The following CBX5 variants were observed in gnomAD, a reference collection of about 807,000 sequenced individuals.
CBX5 encodes the protein chromobox protein homolog 5.
CBX5 carries 7 observed loss-of-function variants against 20.7 expected under a neutral mutation model. The ratio of observed to expected loss-of-function variants is 0.34; its 90% CI spans 0.19 to 0.63. The LOEUF (loss-of-function observed/expected upper bound fraction) is 0.63, where lower values mean the gene tolerates loss of function less well. Among genes scored for constraint, CBX5 ranks in the 30% least tolerant of loss-of-function variants. The pLI, the probability that CBX5 is intolerant of heterozygous loss-of-function variation, is 0.75. For missense variants in CBX5, 110 were observed against 224.1 expected (o/e 0.49, Z 3.25); for synonymous variants, 78 against 77.0 (o/e 1.01, Z -0.07).
intron 1 of CBX5, among the ~76,000 whole-genome samples, chr12:54,275,152 T>C (rs1229386439): frequency 6.6e-6 from 1 of 152,158 alleles, no homozygotes; most frequent in African/African-American, 2.4e-5. Context: ...CTACCCAAAT[T>C]GAAGCTTTCC....
chr12:54,253,659 T>C (rs547534779), intron 2 of CBX5, among the ~76,000 whole-genome samples: 16 of 146,528 alleles, frequency 1.1e-4, no homozygotes, highest in African/African-American at 3.8e-4. Context: ...GCCCAGAAGG[T>C]TGAGGCTGCA....
chr12:54,272,655 T>C (rs1252510401), intron 1 of CBX5: 1 of 151,994 alleles, frequency 6.6e-6, no homozygotes, highest in East Asian at 1.9e-4. Context: ...CCCCAAGGAG[T>C]TGACAGTCAG....
rs563637015 is a variant in CBX5 at position 54,266,929 on chromosome 12, C to A, written c.-42-9237G>T. On this transcript the variant is annotated intron_variant, in intron 1 of 4. Coordinates refer to ENST00000209875, the MANE Select transcript of CBX5 (RefSeq NM_012117.3). ...TTTCTTTAAATTTAGTTAGGGTACA[C>A]CTAAACCCACCACTGGGCAAGAGGT... 2.6e-5 allele frequency among the ~76,000 whole-genome samples: 4 copies of A among 152,234 alleles called. No individual in the cohort carries two copies. The East Asian group carries it at 7.7e-4, about 29-fold the overall frequency.
chr12:54,279,635 T>C (rs530963978), intron 1 of CBX5, among the ~76,000 whole-genome samples: 147 of 152,234 alleles, frequency 9.7e-4, no homozygotes, highest in African/African-American at 3.3e-3. Context: ...GCATTCCCCA[T>C]TGGAGTCAAA....
In CBX5 at chr12:54,232,203, A is replaced by C. The variant is rs1175744467; in HGVS notation, c.*9552T>G. On this transcript the variant is annotated 3_prime_UTR_variant, in exon 5 of 5. Transcript: ENST00000209875. The stretch of plus-strand genomic sequence containing the variant: ...TGCCTTCCCCAACAACATCCTAAGT[A>C]AGTCTGGACTAGTAAGATTCCAACA... 1 of 152,102 alleles carries C rather than the reference A, an allele frequency of 6.6e-6. No homozygotes were observed. The highest frequency in any genetic ancestry group is 1.5e-5 in the Non-Finnish European group (1 of 68,014). The allele number at this position is 152,102 out of a possible 1,614,324, so 9.4% of individuals were successfully genotyped here. A position where few individuals can be genotyped will look rare whatever the true frequency, so the allele number is the denominator to read the frequency against.
intron 1 of CBX5, among the ~76,000 whole-genome samples, chr12:54,269,420 GCT>G (rs1359150094): frequency 6.6e-6 from 1 of 152,076 alleles, no homozygotes. Flanking sequence ...GACAGAGATT[GCT>G]CTGTTGCCCA....
Position 54,234,462 on chromosome 12 carries a change from G to C in CBX5, c.*7293C>G, listed in dbSNP as rs1943600090. 1 of 151,938 alleles carries C rather than the reference G, an allele frequency of 6.6e-6. No homozygotes were observed. The highest frequency in any genetic ancestry group is 2.1e-4 in the South Asian group (1 of 4,826). 9.4% of individuals were successfully genotyped at this position (151,938 alleles called of 1,614,324 possible). ...TAGGGTCACACCTGCCAATGCCAGG[G>C]GACATCACAAAAAAATAGAGAATGC... On this transcript the variant is annotated 3_prime_UTR_variant, in exon 5 of 5. Transcript: ENST00000209875.
rs375937146 is a variant in CBX5, at chr12:54,264,847, GA to G, written c.-42-7156del. ...GACAAGAGTGAAACTCCATCTCAAA[GA>G]AAAAAAAAAAGAAAAAGAAAGCCAA... On this transcript the variant is annotated intron_variant, in intron 1 of 4. Transcript: ENST00000209875. Among the ~76,000 whole-genome samples the G allele has an allele frequency of 3.9e-3, 548 of 138,808 alleles. 2 individuals are homozygous for G. The highest frequency in any genetic ancestry group is 0.013 in the African/African-American group (491 of 37,932). The allele number at this position is 138,808 out of a possible 152,430, so 91.1% of individuals were successfully genotyped here.
Position 54,235,089 on chromosome 12 carries a change from T to TA in CBX5, c.*6665dup, listed in dbSNP as rs1473076252. 2 of 152,230 alleles carry TA rather than the reference T, an allele frequency of 1.3e-5. No individual in the cohort carries two copies. Among genetic ancestry groups the TA allele is most frequent in the African/African-American group, 4.8e-5 (2 of 41,460 alleles). The allele number at this position is 152,230 out of a possible 1,614,324, so 9.4% of individuals were successfully genotyped here. On this transcript the variant is annotated 3_prime_UTR_variant, in exon 5 of 5. Coordinates refer to ENST00000209875, the MANE Select transcript of CBX5 (RefSeq NM_012117.3). ...CTTTAACTTTCCAGAGCAGTTACTCTAATTCCTGGGAATTCTGACTTCCAA... is the reference window on the plus strand; with the variant it reads ...CTTTAACTTTCCAGAGCAGTTACTCTAAATTCCTGGGAATTCTGACTTCCAA...
rs549112961 is a variant in CBX5, at chr12:54,237,137, C to T, written c.*4618G>A. 1.5e-4 allele frequency: 23 copies of T among 152,256 alleles called. No individual in the cohort carries two copies. The highest frequency in any genetic ancestry group is 5.1e-4 in the African/African-American group (21 of 41,536). 9.4% of individuals were successfully genotyped at this position (152,256 alleles called of 1,614,324 possible). A position where few individuals can be genotyped will look rare whatever the true frequency, so the allele number is the denominator to read the frequency against. The stretch of plus-strand genomic sequence containing the variant: ...AGAAGCACCACAGGTCCAAATGCTC[C>T]CCAGAGTGGACCAAAACTGGATTTT... On this transcript the variant is annotated 3_prime_UTR_variant, in exon 5 of 5. Transcript: ENST00000209875.
At position 54,264,126 on chromosome 12, in the gene CBX5, G is replaced by A. The variant is rs1943938807; in HGVS notation, c.-42-6434C>T. Among the ~76,000 whole-genome samples, 4 of 152,192 alleles carry A rather than the reference G, an allele frequency of 2.6e-5. No individual in the cohort carries two copies. The South Asian group carries it at 8.3e-4, about 32-fold the overall frequency. ...CACATAGGGTCCCTGGTATCTGTCTGCTTTGTCCAGTTCAGGTTCTACTCT... is the reference window on the plus strand; with the variant it reads ...CACATAGGGTCCCTGGTATCTGTCTACTTTGTCCAGTTCAGGTTCTACTCT... On this transcript the variant is annotated intron_variant, in intron 1 of 4. Transcript: ENST00000209875.
At chr12:54,248,283 C>A (rs548201304) in intron 3 of CBX5, among the ~76,000 whole-genome samples, 1 of 152,326 alleles carries the variant, frequency 6.6e-6, no homozygotes, top group African/African-American at 2.4e-5. Context: ...GCCACCGCAC[C>A]CGGCCCAAAC....
chr12:54,269,667 A>G (rs1397951983), intron 1 of CBX5, among the ~76,000 whole-genome samples: 1 of 152,152 alleles, frequency 6.6e-6, no homozygotes, highest in Non-Finnish European at 1.5e-5. Context: ...GATTACAGGC[A>G]TGAGCCATCA....
At position 54,237,388 on chromosome 12, in the gene CBX5, A is replaced by G. The variant is rs554516007; in HGVS notation, c.*4367T>C. The G allele has an allele frequency of 1.3e-5, 2 of 152,390 alleles. No homozygotes were observed. The highest frequency in any genetic ancestry group is 4.1e-4 in the South Asian group (2 of 4,832). The allele number at this position is 152,390 out of a possible 1,614,324, so 9.4% of individuals were successfully genotyped here. On this transcript the variant is annotated 3_prime_UTR_variant, in exon 5 of 5. Transcript: ENST00000209875. ...TATAAATGCAGTTGATAAACTAGAA[A>G]GCAATCATCAACTAATTGCAGACTA...
At chr12:54,263,228 G>C (rs1013547097) in intron 1 of CBX5, among the ~76,000 whole-genome samples, 1 of 151,760 alleles carries the variant, frequency 6.6e-6, no homozygotes, top group African/African-American at 2.4e-5. Flanking sequence ...AGGTGTGGTG[G>C]CAGGCACCTG....
chr12:54,267,068 C>T (rs1393552103), intron 1 of CBX5, among the ~76,000 whole-genome samples: 1 of 152,156 alleles, frequency 6.6e-6, no homozygotes, highest in Non-Finnish European at 1.5e-5. Context: ...GTACTGAACT[C>T]ATCTTAAGGC....
intron 3 of CBX5, among the ~76,000 whole-genome samples, chr12:54,251,057 G>A (rs1943795600): frequency 6.6e-6 from 1 of 151,896 alleles, no homozygotes; most frequent in African/African-American, 2.4e-5. Context: ...CTTGAACACA[G>A]GAGGTGGAAG....
At chr12:54,254,711 G>A (rs906018094) in intron 2 of CBX5, among the ~76,000 whole-genome samples, 2 of 151,986 alleles carry the variant, frequency 1.3e-5, no homozygotes. Context: ...AATTTAGAAG[G>A]GCGTGGTGGC....
chr12:54,249,393 A>G (rs1305988410), intron 3 of CBX5, among the ~76,000 whole-genome samples: 2 of 151,416 alleles, frequency 1.3e-5, no homozygotes, highest in African/African-American at 4.9e-5. Flanking sequence ...AAAAATTCTA[A>G]TTTTACTGGT....
Sources: gnomAD v4.1 joint callset for allele counts (sites outside exome capture counted in the v4.1 genomes callset) on GRCh38, gnomAD v4.1.1 for gene constraint, MANE v1.5 for transcripts, NCBI Gene and HGNC (gene_info 2026-07-23, HGNC 2026-07-21) for gene names.